CAMK1D: variants seen among roughly 807,000 people sequenced by gnomAD.
The protein encoded by CAMK1D is calcium/calmodulin-dependent protein kinase type 1D.
CAMK1D carries 9 observed loss-of-function variants against 47.7 expected under a neutral mutation model. That is an observed-to-expected ratio of 0.19 (90% CI 0.11 to 0.33). The LOEUF is 0.33. Ranked by LOEUF, CAMK1D falls within the 10% of genes least tolerant of loss-of-function variation. The probability of loss-of-function intolerance (pLI) is 1.00; values close to 1 mark genes in which losing one functional copy is unlikely to be tolerated. For synonymous variants in CAMK1D, 184 were observed against 184.9 expected (o/e 0.99, Z 0.04); for missense variants, 291 against 488.7 (o/e 0.60, Z 3.81).
chr10:12,462,156 GTTTTTTTT>G (rs57336292), intron 1 of CAMK1D, among the ~76,000 whole-genome samples: 1 of 79,626 alleles, frequency 1.3e-5, no homozygotes, highest in African/African-American at 5.0e-5. Context: ...CCTATGAAGA[GTTTTTTTT>G]TTTTTTTTTT....
chr10:12,519,137 C>G (rs1349153848), intron 1 of CAMK1D, among the ~76,000 whole-genome samples: 1 of 92,824 alleles, frequency 1.1e-5, no homozygotes, highest in Admixed American at 9.8e-5. Context: ...CACCACCCTC[C>G]CGGACAGGGC....
chr10:12,801,065 T>C (rs1447136302), intron 6 of CAMK1D, among the ~76,000 whole-genome samples: 1 of 152,188 alleles, frequency 6.6e-6, no homozygotes, highest in Non-Finnish European at 1.5e-5. Flanking sequence ...TTCCTGATGC[T>C]GTGTGGCTGC....
In CAMK1D at chr10:12,831,873, A is replaced by G. The variant is rs1833424235; in HGVS notation, c.*2986A>G. 1 of 152,216 alleles carries G rather than the reference A, an allele frequency of 6.6e-6. No homozygotes were observed. The highest frequency in any genetic ancestry group is 2.4e-5 in the African/African-American group (1 of 41,458). 9.4% of individuals were successfully genotyped at this position (152,216 alleles called of 1,614,324 possible). A position where few individuals can be genotyped will look rare whatever the true frequency, so the allele number is the denominator to read the frequency against. On this transcript the variant is annotated 3_prime_UTR_variant, in exon 11 of 11. Coordinates refer to ENST00000619168, the MANE Select transcript of CAMK1D (RefSeq NM_153498.4). Reference sequence around the variant, plus strand: ...CTTGGTATGATTTGTTTTCTTATAAAACAGGAAGAGAACCTAGAATGTGCC... The same window carrying G: ...CTTGGTATGATTTGTTTTCTTATAAGACAGGAAGAGAACCTAGAATGTGCC...
intron 3 of CAMK1D, among the ~76,000 whole-genome samples, chr10:12,707,832 G>A (rs117882097): frequency 6.6e-5 from 10 of 152,298 alleles, no homozygotes; most frequent in East Asian, 1.9e-4. Context: ...CAGAGCCTAC[G>A]TTCATAGCTG....
intron 3 of CAMK1D, among the ~76,000 whole-genome samples, chr10:12,678,967 T>TGGCCA (rs1840902376): frequency 6.6e-6 from 1 of 152,156 alleles, no homozygotes; most frequent in South Asian, 2.1e-4. Flanking sequence ...TTCACCATGT[T>TGGCCA]GGCCAGGTTG....
chr10:12,814,797 A>C (rs1454435509), intron 7 of CAMK1D, among the ~76,000 whole-genome samples: 2 of 152,208 alleles, frequency 1.3e-5, no homozygotes, highest in African/African-American at 2.4e-5. Flanking sequence ...GACAGTTCAT[A>C]ACAGCTCTCA....
intron 1 of CAMK1D, among the ~76,000 whole-genome samples, chr10:12,549,404 A>T (rs919832990): frequency 6.6e-6 from 1 of 152,172 alleles, no homozygotes; most frequent in Non-Finnish European, 1.5e-5. Context: ...ATTGCTATTT[A>T]TGGCTATTCT....
Position 12,831,153 on chromosome 10 carries a change from ACT to A in CAMK1D, c.*2269_*2270del, listed in dbSNP as rs1833412602. The stretch of plus-strand genomic sequence containing the variant: ...TCACAGGGTGAAAAATCAAGCTGTC[ACT>A]CTGCAAAATCTAAAAACCCTGGAAA... On this transcript the variant is annotated 3_prime_UTR_variant, in exon 11 of 11. Coordinates refer to ENST00000619168, the MANE Select transcript of CAMK1D (RefSeq NM_153498.4). 6.6e-6 allele frequency: 1 copy of A among 152,106 alleles called. No individual in the cohort carries two copies. Among genetic ancestry groups the A allele is most frequent in the African/African-American group, 2.4e-5 (1 of 41,404 alleles). The allele number at this position is 152,106 out of a possible 1,614,324, so 9.4% of individuals were successfully genotyped here.
intron 1 of CAMK1D, among the ~76,000 whole-genome samples, chr10:12,485,723 A>G (rs866181959): frequency 6.6e-6 from 1 of 152,254 alleles, no homozygotes; most frequent in African/African-American, 2.4e-5. Context: ...CATGAGTTCA[A>G]ACAGGGTCAC....
intron 2 of CAMK1D, among the ~76,000 whole-genome samples, chr10:12,614,382 A>T (rs78603910): frequency 6.6e-6 from 1 of 152,230 alleles, no homozygotes; most frequent in Non-Finnish European, 1.5e-5. Flanking sequence ...TTGACACTAT[A>T]TACACATTTA....
rs547155036 is a variant in CAMK1D, at chr10:12,814,207, C to T, written c.654C>T (p.Tyr218=). ...TTTTGTCTCCTAGGCTCTGCGGCTACCCTCCTTTTTATGATGAAAATGACT... is the reference window on the plus strand; with the variant it reads ...TTTTGTCTCCTAGGCTCTGCGGCTATCCTCCTTTTTATGATGAAAATGACT... The part of the protein sequence containing the change: ...GVIAYILLCG[Y]PPFYDENDSK... The change falls in exon 7 of 11, where the codon TAC becomes TAT. Residue 218 remains tyrosine, a synonymous_variant. Coordinates refer to ENST00000619168, the MANE Select transcript of CAMK1D (RefSeq NM_153498.4). 35 of 1,612,330 alleles carry T rather than the reference C, an allele frequency of 2.2e-5. 1 individual carries two copies. The South Asian group carries it at 3.1e-4, about 14-fold the overall frequency.
At chr10:12,350,211 C>T (rs1032041848) in intron 1 of CAMK1D, among the ~76,000 whole-genome samples, 1 of 152,200 alleles carries the variant, frequency 6.6e-6, no homozygotes, top group South Asian at 2.1e-4. Context: ...TGCCTTCTCC[C>T]CACGCGTGAC....
intron 3 of CAMK1D, among the ~76,000 whole-genome samples, chr10:12,703,185 T>G (rs1833590247): frequency 6.6e-6 from 1 of 152,200 alleles, no homozygotes; most frequent in African/African-American, 2.4e-5. Context: ...AAAATAAATG[T>G]GTCATTTGTC....
At chr10:12,458,011 C>T (rs189947558) in intron 1 of CAMK1D, among the ~76,000 whole-genome samples, 1 of 152,136 alleles carries the variant, frequency 6.6e-6, no homozygotes, top group Admixed American at 6.5e-5. Flanking sequence ...AAGTCAGCAA[C>T]CAGCAAAAGC....
intron 10 of CAMK1D, among the ~76,000 whole-genome samples, chr10:12,828,353 C>A (rs963210842): frequency 1.5e-5 from 2 of 136,196 alleles, no homozygotes; most frequent in African/African-American, 5.8e-5. Context: ...AATTTGGGTC[C>A]CCGCAAGTTG....
At chr10:12,651,887 T>A (rs983872633) in intron 2 of CAMK1D, among the ~76,000 whole-genome samples, 2 of 151,968 alleles carry the variant, frequency 1.3e-5, no homozygotes. Context: ...CACGCCATTC[T>A]CCTGCCTCAG....
intron 1 of CAMK1D, among the ~76,000 whole-genome samples, chr10:12,449,237 A>G (rs898390401): frequency 1.2e-4 from 18 of 152,104 alleles, no homozygotes; most frequent in Non-Finnish European, 2.2e-4. Flanking sequence ...CTTGTCTGCC[A>G]TCCTCATTGG....
At chr10:12,658,161 A>G (rs1305825533) in intron 2 of CAMK1D, among the ~76,000 whole-genome samples, 1 of 152,128 alleles carries the variant, frequency 6.6e-6, no homozygotes, top group Non-Finnish European at 1.5e-5. Flanking sequence ...AAAAACAAAG[A>G]ACTGGGGTGA....
chr10:12,809,897 A>G (rs1291639656), intron 6 of CAMK1D, among the ~76,000 whole-genome samples: 4 of 152,098 alleles, frequency 2.6e-5, no homozygotes, highest in African/African-American at 9.7e-5. Flanking sequence ...CACACCTGTA[A>G]TCTCAGCACT....
Sources: allele counts gnomAD v4.1 joint callset (sites outside exome capture counted in the v4.1 genomes callset), GRCh38; gene constraint gnomAD v4.1.1; transcripts MANE v1.5; gene names NCBI Gene and HGNC (gene_info 2026-07-23, HGNC 2026-07-21).